CHGB: variants seen among roughly 807,000 people sequenced by gnomAD.
CHGB encodes secretogranin-1.
In CHGB, 46 loss-of-function variants were observed where a neutral mutation model predicts 69.9. The ratio of observed to expected loss-of-function variants is 0.66; its 90% CI spans 0.52 to 0.84. The LOEUF (loss-of-function observed/expected upper bound fraction) is 0.84. Among genes scored for constraint, CHGB ranks in the 40% least tolerant of loss-of-function variants. The probability of loss-of-function intolerance (pLI) is 0.00; values close to 1 mark genes in which losing one functional copy is unlikely to be tolerated. For missense variants in CHGB, 796 were observed against 822.2 expected (o/e 0.97, Z 0.39); for synonymous variants, 312 against 298.2 (o/e 1.05, Z -0.48).
intron 1 of CHGB, among the ~76,000 whole-genome samples, chr20:5,912,112 T>A (rs1207489785): frequency 1.3e-5 from 2 of 152,220 alleles, no homozygotes; most frequent in African/African-American, 2.4e-5. Flanking sequence ...ATGATGCTAT[T>A]TAGTGCCTGC....
chr20:5,918,148 T>TAAAA (rs10647882), intron 3 of CHGB, among the ~76,000 whole-genome samples: 21,694 of 85,186 alleles, frequency 0.25, 2,878 homozygotes, highest in Non-Finnish European at 0.29. Flanking sequence ...AGACTCCATC[T>TAAAA]AAAAAAAAAA....
chr20:5,918,810 T>TAAAAAAAAA lies in CHGB; in HGVS notation c.190+1918_190+1926dup, dbSNP rs71182109. 6.7e-4 allele frequency among the ~76,000 whole-genome samples: 21 copies of TAAAAAAAAA among 31,454 alleles called. 1 individual carries two copies. The highest frequency in any genetic ancestry group is 1.8e-3 in the African/African-American group (15 of 8,368). The allele number at this position is 31,454 out of a possible 152,430, so 20.6% of individuals were successfully genotyped here. On this transcript the variant is annotated intron_variant, in intron 3 of 4. Coordinates refer to ENST00000378961, the MANE Select transcript of CHGB (RefSeq NM_001819.3). ...CTCAGTGACAGAGCGAGTCTCTGTC[T>TAAAAAAAAA]AAAAAAAAAAAAAAAAAAAAAAAAA...
chr20:5,916,512 G>T (rs1269264284), intron 2 of CHGB, 140 bp downstream of exon 2: 4 of 775,882 alleles, frequency 5.2e-6, no homozygotes. Context: ...TGTGAGCAAG[G>T]GATGCCCCTC....
At chr20:5,918,390 CAAAAA>C (rs2088491669) in intron 3 of CHGB, among the ~76,000 whole-genome samples, 1 of 151,748 alleles carries the variant, frequency 6.6e-6, no homozygotes, top group Non-Finnish European at 1.5e-5. Flanking sequence ...GAGGCTCCAT[CAAAAA>C]CAAAAACAAA....
intron 1 of CHGB, 73 bp downstream of exon 1, chr20:5,911,755 C>T: frequency 7.6e-7 from 1 of 1,311,020 alleles, no homozygotes; most frequent in Non-Finnish European, 9.9e-7. Context: ...CTCCCGCAGC[C>T]AGGCTGGCGG....
At chr20:5,924,736 T>C (rs2088539892) in intron 4 of CHGB, among the ~76,000 whole-genome samples, 1 of 152,228 alleles carries the variant, frequency 6.6e-6, no homozygotes, top group Non-Finnish European at 1.5e-5. Flanking sequence ...GAGGGATTCC[T>C]AGCCCCCAGA....
At position 5,922,965 on chromosome 20, in the gene CHGB, T is replaced by C. The variant is rs2088524829; in HGVS notation, c.821T>C (p.Val274Ala). 6.2e-7 allele frequency: 1 copy of C among 1,609,492 alleles called. No individual in the cohort carries two copies. Among genetic ancestry groups the C allele is most frequent in the Non-Finnish European group, 8.5e-7 (1 of 1,178,018 alleles). Residue 274 changes from valine (V) to alanine (A), a missense_variant, in exon 4 of 5, where the codon GTG becomes GCG. Transcript: ENST00000378961. ...EEGEEDATSE[V>A]DKRRTRPRHH... ...GGTGAGGAAGATGCCACCTCTGAGG[T>C]GGACAAACGACGCACGAGGCCCAGA...
intron 2 of CHGB, 84 bp from the exon 3 acceptor site, chr20:5,916,742 T>C: frequency 8.0e-7 from 1 of 1,244,968 alleles, no homozygotes; most frequent in Non-Finnish European, 1.2e-6. Flanking sequence ...CGTAATCAAG[T>C]CTTCCTTGAC....
intron 4 of CHGB, among the ~76,000 whole-genome samples, 166 bp from the exon 5 acceptor site, chr20:5,924,806 G>T (rs2088540217): frequency 6.6e-6 from 1 of 152,162 alleles, no homozygotes; most frequent in African/African-American, 2.4e-5. Context: ...ACAAGTTCCT[G>T]GCTGATGCCA....
At position 5,923,054 on chromosome 20, in the gene CHGB, A is replaced by T; in HGVS notation, c.910A>T (p.Lys304Ter). Residue 304 changes from lysine to a stop codon, truncating the protein, a stop_gained, in exon 4 of 5, where the codon AAG becomes TAG. Transcript: ENST00000378961. LOFTEE classifies it high-confidence loss of function. ...SQGGSLPSEEKGHPQEESEES... is the reference protein window; with the variant it reads ...SQGGSLPSEE ...AGGAGGGAGTCTTCCCTCTGAGGAAAAGGGACACCCCCAGGAGGAATCTGA... is the reference window on the plus strand; with the variant it reads ...AGGAGGGAGTCTTCCCTCTGAGGAATAGGGACACCCCCAGGAGGAATCTGA... 1 of 1,613,942 alleles carries T rather than the reference A, an allele frequency of 6.2e-7. No individual in the cohort carries two copies. The highest frequency in any genetic ancestry group is 8.5e-7 in the Non-Finnish European group (1 of 1,179,956).
Position 5,916,900 on chromosome 20 carries a change from C to T in CHGB, c.171C>T (p.Cys57=), listed in dbSNP as rs371678127. The T allele has an allele frequency of 6.8e-6, 11 of 1,614,076 alleles. No individual in the cohort carries two copies. The African/African-American group carries it at 1.5e-4, about 22-fold the overall frequency. Residue 57 remains cysteine, a synonymous_variant, in exon 3 of 5, where the codon TGC becomes TGT. Coordinates refer to ENST00000378961, the MANE Select transcript of CHGB (RefSeq NM_001819.3). The part of the protein sequence containing the change: ...KSSAPPITPE[C]RQVLKTSRKD... ...GCGCTCCACCCATCACCCCTGAGTG[C>T]CGCCAAGTCCTGAAGACGAGTAAGT...
intron 3 of CHGB, among the ~76,000 whole-genome samples, chr20:5,919,554 G>A (rs939451811): frequency 7.9e-5 from 12 of 152,198 alleles, no homozygotes; most frequent in African/African-American, 2.4e-4. Context: ...TACAGACTAT[G>A]TTGTCAAATC....
chr20:5,918,163 A>AAACAAACAAACAAAC lies in CHGB; in HGVS notation c.190+1246_190+1247insCAAACAAACAAACAA, dbSNP rs1555781548. On this transcript the variant is annotated intron_variant, in intron 3 of 4. Coordinates refer to ENST00000378961, the MANE Select transcript of CHGB (RefSeq NM_001819.3). ...AGACTCCATCTAAAAAAAAAAAAAA[A>AAACAAACAAACAAAC]AAAAAAAACTCTCATTGCCACCAGC... Among the ~76,000 whole-genome samples, 300 of 147,734 alleles carry AAACAAACAAACAAAC rather than the reference A, an allele frequency of 2.0e-3. 6 individuals carry two copies. The highest frequency in any genetic ancestry group is 7.3e-3 in the African/African-American group (284 of 38,772).
At position 5,911,680 on chromosome 20, in the gene CHGB, C is replaced by G. The variant is rs1008938086; in HGVS notation, c.47C>G (p.Ala16Gly). The G allele has an allele frequency of 6.8e-7, 1 of 1,469,464 alleles. No individual in the cohort carries two copies. Among genetic ancestry groups the G allele is most frequent in the Admixed American group, 2.5e-5 (1 of 40,772 alleles). The allele number at this position is 1,469,464 out of a possible 1,614,324, so 91.0% of individuals were successfully genotyped here. The stretch of plus-strand genomic sequence containing the variant: ...AGCCTCCTGGGAGCCGTGGGGCTGG[C>G]GGGTGAGTGGGCGCGGCGGGCCGGT... ...LLSLLGAVGL[A>G]AVNSMPVDNR... The change falls in exon 1 of 5, where the codon GCG (alanine) becomes GGG (glycine). Residue 16 changes from alanine (A) to glycine (G), a missense_variant and splice_region_variant. By Grantham distance (60) the Ala-to-Gly change is moderately conservative (BLOSUM62 0). Around this residue, in one of 3 missense-constraint regions of CHGB, gnomAD observed 518 missense variants for 506.3 expected, o/e 1.02. Coordinates refer to ENST00000378961, the MANE Select transcript of CHGB (RefSeq NM_001819.3).
At chr20:5,917,723 C>G (rs537693798) in intron 3 of CHGB, 2 of 152,148 alleles carry the variant, frequency 1.3e-5, no homozygotes, top group African/African-American at 4.8e-5. Flanking sequence ...CTCTGTTATG[C>G]ATGAAGCCAC....
Position 5,916,874 on chromosome 20 carries a change from A to C in CHGB, c.145A>C (p.Ser49Arg). Residue 49 changes from serine (S) to arginine (R), a missense_variant, in exon 3 of 5, where the codon AGC becomes CGC. By Grantham distance (110) the Ser-to-Arg change is moderately radical. This residue lies in a region of CHGB where 518 missense variants were observed against 506.3 expected (regional missense o/e 1.02). Transcript: ENST00000378961. ...EVLSNALSKS[S>R]APPITPECRQ... Reference sequence around the variant, plus strand: ...CCTCTCAAATGCCTTGTCGAAGTCCAGCGCTCCACCCATCACCCCTGAGTG... The same window carrying C: ...CCTCTCAAATGCCTTGTCGAAGTCCCGCGCTCCACCCATCACCCCTGAGTG... 1 of 1,614,190 alleles carries C rather than the reference A, an allele frequency of 6.2e-7. No individual in the cohort carries two copies. Among genetic ancestry groups the C allele is most frequent in the South Asian group, 1.1e-5 (1 of 91,084 alleles).
At position 5,922,503 on chromosome 20, in the gene CHGB, CAG is replaced by C. The variant is rs1568551671; in HGVS notation, c.363_364del (p.Lys122MetfsTer14). The stretch of plus-strand genomic sequence containing the variant: ...ATCCAAGGCCCAACAAAGGCAGACA[CAG>C]AGAAATGGGCAGAGGGAGGCGGGCA... On this transcript the variant is annotated frameshift_variant, in exon 4 of 5. Coordinates refer to ENST00000378961, the MANE Select transcript of CHGB (RefSeq NM_001819.3). LOFTEE classifies it high-confidence loss of function. 3 of 1,613,214 alleles carry C rather than the reference CAG, an allele frequency of 1.9e-6. No homozygotes were observed. In the East Asian group the frequency reaches 6.7e-5, roughly 36 times the overall value.
chr20:5,918,810 TAAAAAAAAAAAAAAAAAAAAAAAAA>T (rs71182109), intron 3 of CHGB, among the ~76,000 whole-genome samples: 1 of 31,430 alleles, frequency 3.2e-5, no homozygotes, highest in African/African-American at 1.2e-4. Context: ...AGTCTCTGTC[TAAAAAAAAAAAAAAAAAAAAAAAAA>T]AAAAAAAAAA....
intron 1 of CHGB, chr20:5,914,471 C>T (rs931543972): frequency 2.6e-5 from 4 of 151,900 alleles, no homozygotes; most frequent in Non-Finnish European, 5.9e-5. Flanking sequence ...AATACTTCAG[C>T]AATACCAGTA....
Sources: allele counts gnomAD v4.1 joint callset (sites outside exome capture counted in the v4.1 genomes callset), GRCh38; gene constraint gnomAD v4.1.1; regional missense constraint gnomAD v4.1.1; transcripts MANE v1.5; gene names NCBI Gene and HGNC (gene_info 2026-07-23, HGNC 2026-07-21).